KIAA0232: variants seen among roughly 807,000 people sequenced by gnomAD.
KIAA0232 encodes the protein KIAA0232, also known as uncharacterized protein KIAA0232.
A neutral mutation model predicts 122.0 loss-of-function variants in KIAA0232; 27 were observed. The ratio of observed to expected loss-of-function variants is 0.22; its 90% CI spans 0.16 to 0.31. KIAA0232 has a LOEUF of 0.31. KIAA0232 is among the 10% of genes least tolerant of loss of function. The pLI is 1.00. For missense variants in KIAA0232, 1,551 were observed against 1,634.2 expected (o/e 0.95, Z 0.88); for synonymous variants, 613 against 587.6 (o/e 1.04, Z -0.63).
intron 2 of KIAA0232, among the ~76,000 whole-genome samples, chr4:6,823,742 G>A (rs932273518): frequency 2.0e-5 from 3 of 151,144 alleles, no homozygotes; most frequent in African/African-American, 4.9e-5. Flanking sequence ...AAAAAAATTG[G>A]TATAATTGAG....
intron 1 of KIAA0232, among the ~76,000 whole-genome samples, chr4:6,799,920 C>G (rs1339336386): frequency 6.6e-6 from 1 of 151,590 alleles, no homozygotes; most frequent in Non-Finnish European, 1.5e-5. Context: ...GTCTCCATCT[C>G]CTGACATCAT....
chr4:6,797,771 C>CA (rs963052887), intron 1 of KIAA0232, among the ~76,000 whole-genome samples: 1,941 of 47,164 alleles, frequency 0.041, 56 homozygotes, highest in African/African-American at 0.11. Context: ...CCCTGCCTCT[C>CA]AAAAAAAAAA....
chr4:6,843,733 G>A (rs1362547286), intron 4 of KIAA0232, among the ~76,000 whole-genome samples: 2 of 151,776 alleles, frequency 1.3e-5, no homozygotes, highest in African/African-American at 2.4e-5. Flanking sequence ...TCATGCCGCC[G>A]CACTCCAACC....
intron 3 of KIAA0232, among the ~76,000 whole-genome samples, chr4:6,826,138 A>T (rs543438136): frequency 2.6e-5 from 4 of 152,262 alleles, no homozygotes; most frequent in African/African-American, 9.6e-5. Context: ...TTTATACCTC[A>T]GTTGTGCAGA....
intron 3 of KIAA0232, among the ~76,000 whole-genome samples, chr4:6,834,238 T>A (rs1420439266): frequency 1.3e-5 from 2 of 152,180 alleles, no homozygotes; most frequent in Admixed American, 6.5e-5. Flanking sequence ...CAGCTGTCTT[T>A]TCATTTATAA....
At chr4:6,800,043 CTT>C (rs752428517) in intron 1 of KIAA0232, among the ~76,000 whole-genome samples, 9 of 60,072 alleles carry the variant, frequency 1.5e-4, no homozygotes, top group Non-Finnish European at 2.5e-4. Flanking sequence ...TTCTTTCTTT[CTT>C]TTTTTTTTTT....
At chr4:6,878,658 G>GT (rs887962811) in intron 9 of KIAA0232, among the ~76,000 whole-genome samples, 2 of 152,250 alleles carry the variant, frequency 1.3e-5, no homozygotes, top group South Asian at 4.1e-4. Flanking sequence ...GCAGGTTGTG[G>GT]TTTTTTCCCG....
chr4:6,875,283 G>A (rs1721691709), intron 8 of KIAA0232, among the ~76,000 whole-genome samples: 1 of 152,246 alleles, frequency 6.6e-6, no homozygotes, highest in Admixed American at 6.5e-5. Context: ...ATGTAGGAGG[G>A]AAAATGGTGA....
intron 2 of KIAA0232, among the ~76,000 whole-genome samples, chr4:6,813,172 C>T (rs1224819841): frequency 6.6e-6 from 1 of 152,046 alleles, no homozygotes; most frequent in African/African-American, 2.4e-5. Flanking sequence ...CACCATGTTT[C>T]TCGGAACATT....
intron 1 of KIAA0232, among the ~76,000 whole-genome samples, chr4:6,792,020 A>G (rs763421298): frequency 6.6e-6 from 1 of 152,184 alleles, no homozygotes; most frequent in South Asian, 2.1e-4. Context: ...GACTGTCACC[A>G]TCCATGTAAG....
intron 4 of KIAA0232, among the ~76,000 whole-genome samples, chr4:6,856,812 T>C (rs1720593371): frequency 3.3e-5 from 5 of 152,224 alleles, no homozygotes; most frequent in Admixed American, 2.6e-4. Flanking sequence ...AATACTCTTT[T>C]TGATGGTGAC....
intron 1 of KIAA0232, among the ~76,000 whole-genome samples, chr4:6,804,028 T>C (rs1199864634): frequency 6.6e-6 from 1 of 152,224 alleles, no homozygotes; most frequent in East Asian, 1.9e-4. Flanking sequence ...TGTTAACCTG[T>C]CTTTAAAGTA....
At chr4:6,880,071 T>C (rs4993008) in intron 9 of KIAA0232, among the ~76,000 whole-genome samples, 7 of 14,430 alleles carry the variant, frequency 4.9e-4, no homozygotes, top group African/African-American at 6.4e-4. Flanking sequence ...GTCTGCAGTG[T>C]CCCCTCACCA....
chr4:6,842,305 G>A (rs1719706266), intron 4 of KIAA0232, 101 bp downstream of exon 4: 2 of 1,163,256 alleles, frequency 1.7e-6, no homozygotes, highest in African/African-American at 1.6e-5. Flanking sequence ...GGAAAACAAA[G>A]TACTTATTTA....
In KIAA0232 at chr4:6,855,870, G is replaced by A. The variant is rs1038090683; in HGVS notation, c.370-1294G>A. The A allele has an allele frequency of 1.0e-6, 1 of 985,158 alleles. No individual in the cohort carries two copies. Among genetic ancestry groups the A allele is most frequent in the African/African-American group, 1.7e-5 (1 of 57,224 alleles). 61.0% of individuals were successfully genotyped at this position (985,158 alleles called of 1,614,324 possible). A position where few individuals can be genotyped will look rare whatever the true frequency, so the allele number is the denominator to read the frequency against. On this transcript the variant is annotated intron_variant, in intron 4 of 9. Transcript: ENST00000307659. The surrounding 1 kb of genome is among the most constrained non-coding windows in gnomAD (Gnocchi z 4.3). ...GATCCGAAGGAAATGGAATATAATT[G>A]CCGTCCTTGTCACACCTTGAGCATT...
intron 1 of KIAA0232, among the ~76,000 whole-genome samples, chr4:6,797,745 G>A (rs1390707167): frequency 6.8e-6 from 1 of 146,934 alleles, no homozygotes; most frequent in Non-Finnish European, 1.5e-5. Context: ...CAGCTAGCCT[G>A]GGTGACAGAG....
intron 3 of KIAA0232, among the ~76,000 whole-genome samples, chr4:6,839,903 T>C (rs1719552709): frequency 6.6e-6 from 1 of 152,188 alleles, no homozygotes; most frequent in African/African-American, 2.4e-5. Context: ...ATTATGCTTG[T>C]TTGATTGGAG....
intron 3 of KIAA0232, among the ~76,000 whole-genome samples, chr4:6,834,038 G>C (rs781182707): frequency 1.4e-4 from 21 of 151,922 alleles, no homozygotes; most frequent in Non-Finnish European, 2.7e-4. Context: ...TTCCAACTTA[G>C]ACCACTGACT....
At chr4:6,837,058 G>A (rs999306698) in intron 3 of KIAA0232, among the ~76,000 whole-genome samples, 2 of 152,180 alleles carry the variant, frequency 1.3e-5, no homozygotes, top group African/African-American at 2.4e-5. Flanking sequence ...TGAGCTGTTG[G>A]GTACACCTCC....
Sources: allele counts gnomAD v4.1 joint callset (sites outside exome capture counted in the v4.1 genomes callset), GRCh38; gene constraint gnomAD v4.1.1; non-coding constraint Gnocchi (gnomAD v3.1); transcripts MANE v1.5; gene names NCBI Gene and HGNC (gene_info 2026-07-23, HGNC 2026-07-21).